Variants in CHCHD4 observed in about 807,000 individuals in gnomAD.
The protein encoded by CHCHD4 is coiled-coil-helix-coiled-coil-helix domain containing 4, also known as mitochondrial intermembrane space import and assembly protein 40.
Under a neutral mutation model 12.4 loss-of-function variants are expected in CHCHD4, and 7 were observed. The observed-to-expected ratio is 0.57, with a 90% CI of 0.32 to 1.06. The LOEUF is 1.06. Among genes scored for constraint, CHCHD4 ranks in the 50% least tolerant of loss-of-function variants. The pLI is 0.04. For synonymous variants in CHCHD4, 56 were observed against 58.0 expected (o/e 0.97, Z 0.16); for missense variants, 143 against 175.1 (o/e 0.82, Z 1.03).
chr3:14,119,876 G>A (rs1387779058), intron 1 of CHCHD4, among the ~76,000 whole-genome samples: 1 of 152,164 alleles, frequency 6.6e-6, no homozygotes, highest in African/African-American at 2.4e-5. Flanking sequence ...ACGTGGTTGG[G>A]GAGGTGAAAT....
chr3:14,114,779 T>C (rs1278470461), intron 2 of CHCHD4, among the ~76,000 whole-genome samples: 1 of 152,138 alleles, frequency 6.6e-6, no homozygotes, highest in Non-Finnish European at 1.5e-5. Flanking sequence ...TGGTGCCAAT[T>C]TGCATTTCAG....
intron 1 of CHCHD4, among the ~76,000 whole-genome samples, chr3:14,117,376 A>G (rs1694886886): frequency 6.6e-6 from 1 of 152,220 alleles, no homozygotes; most frequent in Non-Finnish European, 1.5e-5. Context: ...GTCCTGGCCA[A>G]ACCAGGGTGG....
chr3:14,113,808 C>T (rs1253209854), intron 2 of CHCHD4, among the ~76,000 whole-genome samples: 2 of 152,202 alleles, frequency 1.3e-5, no homozygotes, highest in African/African-American at 4.8e-5. Context: ...ATCAACCAAA[C>T]CTGTTAAACT....
intron 1 of CHCHD4, chr3:14,119,397 C>G (rs1694909448): frequency 6.7e-6 from 1 of 149,296 alleles, no homozygotes; most frequent in Non-Finnish European, 1.5e-5. Flanking sequence ...GAGTATGTCC[C>G]CTACAAACTG....
At chr3:14,121,257 T>A (rs1411114283) in intron 1 of CHCHD4, among the ~76,000 whole-genome samples, 1 of 152,188 alleles carries the variant, frequency 6.6e-6, no homozygotes, top group Non-Finnish European at 1.5e-5. Flanking sequence ...CTGCTTGTAG[T>A]TAGAAGAGAA....
intron 2 of CHCHD4, among the ~76,000 whole-genome samples, chr3:14,114,675 AC>A (rs1225886123): frequency 6.6e-6 from 1 of 152,184 alleles, no homozygotes; most frequent in Non-Finnish European, 1.5e-5. Context: ...AAAAATCATA[AC>A]AAAAAATGTA....
At chr3:14,124,519 C>G in intron 1 of CHCHD4, 136 bp downstream of exon 1, 1 of 654,562 alleles carries the variant, frequency 1.5e-6, no homozygotes, top group Non-Finnish European at 2.3e-6. Flanking sequence ...AGCCGGCCCG[C>G]CTCCGAGTGT....
intron 2 of CHCHD4, 55 bp from the exon 3 acceptor site, chr3:14,113,249 G>A: frequency 7.0e-7 from 1 of 1,436,770 alleles, no homozygotes. Context: ...TACAAAACTA[G>A]TCCAGTCCTC....
chr3:14,113,516 G>C (rs1694843397), intron 2 of CHCHD4, among the ~76,000 whole-genome samples: 1 of 152,196 alleles, frequency 6.6e-6, no homozygotes, highest in Admixed American at 6.5e-5. Flanking sequence ...GATGGTTAGT[G>C]AGGAGCTTTT....
rs2124981112 is a variant in CHCHD4 at position 14,124,788 on chromosome 3, A to G, written c.-112T>C. ...GCGGGCTCCTCCGAAGCCCGCGCGGACCCGCCCCCTCCCAGGCCTGCCCGC... is the reference window on the plus strand; with the variant it reads ...GCGGGCTCCTCCGAAGCCCGCGCGGGCCCGCCCCCTCCCAGGCCTGCCCGC... On this transcript the variant is annotated 5_prime_UTR_variant, in exon 1 of 3. Coordinates refer to ENST00000396914, the MANE Select transcript of CHCHD4 (RefSeq NM_001098502.2). 1.6e-6 allele frequency: 2 copies of G among 1,261,134 alleles called. No homozygotes were observed. Among genetic ancestry groups the G allele is most frequent in the Non-Finnish European group, 2.1e-6 (2 of 938,106 alleles). The allele number at this position is 1,261,134 out of a possible 1,614,324, so 78.1% of individuals were successfully genotyped here. A position where few individuals can be genotyped will look rare whatever the true frequency, so the allele number is the denominator to read the frequency against.
At chr3:14,114,337 G>A (rs896360594) in intron 2 of CHCHD4, among the ~76,000 whole-genome samples, 10 of 152,146 alleles carry the variant, frequency 6.6e-5, no homozygotes, top group African/African-American at 2.4e-4. Context: ...AAGTTCTCCT[G>A]CATTAAGCTA....
intron 1 of CHCHD4, chr3:14,119,409 C>T (rs1271476138): frequency 6.8e-6 from 1 of 146,218 alleles, no homozygotes; most frequent in African/African-American, 2.6e-5. Flanking sequence ...TACAAACTGT[C>T]CATTGTATGC....
chr3:14,116,899 G>A (rs1694882225), intron 1 of CHCHD4, among the ~76,000 whole-genome samples: 1 of 152,220 alleles, frequency 6.6e-6, no homozygotes, highest in African/African-American at 2.4e-5. Context: ...GAAAGGCTGA[G>A]GACACAGGTG....
Position 14,124,719 on chromosome 3 carries a change from G to A in CHCHD4, c.-43C>T, listed in dbSNP as rs748961327. The A allele has an allele frequency of 9.3e-6, 14 of 1,512,448 alleles. No individual in the cohort carries two copies. In the East Asian group the frequency reaches 1.6e-4, roughly 18 times the overall value. The allele number at this position is 1,512,448 out of a possible 1,614,324, so 93.7% of individuals were successfully genotyped here. ...GAGACCTTGCAGAAGCGGCGGTGGC[G>A]GCAGCTGCACCTTTACGCCGTGACC... On this transcript the variant is annotated 5_prime_UTR_variant, in exon 1 of 3. Transcript: ENST00000396914.
intron 1 of CHCHD4, among the ~76,000 whole-genome samples, chr3:14,122,365 T>C (rs1282904995): frequency 6.6e-6 from 1 of 152,238 alleles, no homozygotes; most frequent in Non-Finnish European, 1.5e-5. Context: ...CTCACCACTA[T>C]ATGCCCAATG....
chr3:14,124,362 C>T (rs935910570), intron 1 of CHCHD4, among the ~76,000 whole-genome samples: 2 of 152,206 alleles, frequency 1.3e-5, no homozygotes, highest in Non-Finnish European at 2.9e-5. Context: ...CTCGGCACTT[C>T]CCGTGCCCCA....
At chr3:14,115,286 A>G (rs1183184131) in intron 2 of CHCHD4, among the ~76,000 whole-genome samples, 2 of 144,484 alleles carry the variant, frequency 1.4e-5, no homozygotes, top group Admixed American at 6.7e-5. Flanking sequence ...AACAACAGGG[A>G]CAGGAAAGAA....
At chr3:14,121,971 C>T (rs1694939937) in intron 1 of CHCHD4, 1 of 1,614,148 alleles carries the variant, frequency 6.2e-7, no homozygotes, top group Non-Finnish European at 8.5e-7. Flanking sequence ...GAATACGACA[C>T]AGGCATCCAG....
Position 14,112,804 on chromosome 3 carries a change from A to C in CHCHD4, c.*83T>G, listed in dbSNP as rs1694834787. The C allele has an allele frequency of 2.3e-6, 3 of 1,299,874 alleles. No homozygotes were observed. Among genetic ancestry groups the C allele is most frequent in the Non-Finnish European group, 3.2e-6 (3 of 943,364 alleles). 80.5% of individuals were successfully genotyped at this position (1,299,874 alleles called of 1,614,324 possible). On this transcript the variant is annotated 3_prime_UTR_variant, in exon 3 of 3. Coordinates refer to ENST00000396914, the MANE Select transcript of CHCHD4 (RefSeq NM_001098502.2). ...TTATAATGCACAGGACAACAGAAGG[A>C]AACTTTCTTGGAAGGTGATGACAAG...
Sources: allele counts gnomAD v4.1 joint callset (sites outside exome capture counted in the v4.1 genomes callset), GRCh38; gene constraint gnomAD v4.1.1; transcripts MANE v1.5; gene names NCBI Gene and HGNC (gene_info 2026-07-23, HGNC 2026-07-21).